The following P2RY8 variants were observed in gnomAD, a reference collection of about 807,000 sequenced individuals.
P2RY8 encodes the protein S-geranylgeranyl-glutathione receptor P2RY8.
Under a neutral mutation model 10.0 loss-of-function variants are expected in P2RY8, and 6 were observed. The observed-to-expected ratio is 0.60, with a 90% CI of 0.33 to 1.19. P2RY8 has a LOEUF of 1.19. Ranked by LOEUF, P2RY8 falls within the 50% of genes most tolerant of loss-of-function variation. The pLI is 0.04. For missense variants in P2RY8, 456 were observed against 542.0 expected (o/e 0.84, Z 1.58); for synonymous variants, 276 against 252.5 (o/e 1.09, Z -0.88).
At chrX:1,524,890 TATCCATCCATCC>T (rs567762716) in intron 1 of P2RY8, among the ~76,000 whole-genome samples, 11 of 110,944 alleles carry the variant, frequency 9.9e-5, no homozygotes, top group African/African-American at 2.5e-4. Flanking sequence ...TCCATCCATC[TATCCATCCATCC>T]ATCCATCCAT....
intron 1 of P2RY8, among the ~76,000 whole-genome samples, chrX:1,511,347 T>C (rs1257453670): frequency 6.6e-6 from 1 of 152,156 alleles, no homozygotes; most frequent in African/African-American, 2.4e-5. Flanking sequence ...AATTCATAGC[T>C]CCTCCTGTAA....
At chrX:1,529,165 C>G (rs1386078328) in intron 1 of P2RY8, among the ~76,000 whole-genome samples, 5 of 151,664 alleles carry the variant, frequency 3.3e-5, no homozygotes, top group Non-Finnish European at 7.4e-5. Context: ...GAGACCTGAC[C>G]TGCACAGGGA....
chrX:1,503,000 A>C (rs1282032954), intron 1 of P2RY8, among the ~76,000 whole-genome samples: 11 of 152,158 alleles, frequency 7.2e-5, no homozygotes, highest in African/African-American at 2.7e-4. Flanking sequence ...TTTGGAAATA[A>C]GAACTTTGCA....
chrX:1,510,471 T>C (rs2092290931), intron 1 of P2RY8, among the ~76,000 whole-genome samples: 1 of 152,154 alleles, frequency 6.6e-6, no homozygotes, highest in Non-Finnish European at 1.5e-5. Context: ...ACTACAACTT[T>C]GATCGCACAA....
intron 1 of P2RY8, among the ~76,000 whole-genome samples, chrX:1,515,160 C>G (rs1421833142): frequency 1.3e-5 from 2 of 150,726 alleles, no homozygotes; most frequent in Non-Finnish European, 3.0e-5. Flanking sequence ...ATCCACCCAC[C>G]TCGGCCTCCC....
At chrX:1,531,871 C>G (rs183137810) in intron 1 of P2RY8, among the ~76,000 whole-genome samples, 33 of 152,284 alleles carry the variant, frequency 2.2e-4, no homozygotes, top group Non-Finnish European at 4.7e-4. Flanking sequence ...TCACCTCACT[C>G]CTGCAAGAAT....
At chrX:1,527,205 T>C (rs1325522937) in intron 1 of P2RY8, among the ~76,000 whole-genome samples, 6 of 152,164 alleles carry the variant, frequency 3.9e-5, no homozygotes, top group Admixed American at 1.3e-4. Context: ...TATTCATTCA[T>C]TTCTTATCCA....
chrX:1,467,779 C>T (rs1158085426), intron 1 of P2RY8, among the ~76,000 whole-genome samples: 2 of 152,192 alleles, frequency 1.3e-5, no homozygotes, highest in Admixed American at 1.3e-4. Context: ...TGGCCTCAAG[C>T]AATCCTCCTG....
At chrX:1,507,872 C>T (rs2092249553) in intron 1 of P2RY8, among the ~76,000 whole-genome samples, 1 of 152,136 alleles carries the variant, frequency 6.6e-6, no homozygotes, top group African/African-American at 2.4e-5. Flanking sequence ...CGGCTGATAA[C>T]ATGTAAAGGC....
chrX:1,526,042 TCATC>T (rs2092437659), intron 1 of P2RY8, among the ~76,000 whole-genome samples: 1 of 151,796 alleles, frequency 6.6e-6, no homozygotes, highest in African/African-American at 2.4e-5. Flanking sequence ...ATCCAGCCGC[TCATC>T]CATCCATCTA....
At chrX:1,527,420 A>G (rs1354584946) in intron 1 of P2RY8, among the ~76,000 whole-genome samples, 8 of 151,864 alleles carry the variant, frequency 5.3e-5, no homozygotes, top group Admixed American at 3.9e-4. Context: ...TCATTCATTT[A>G]TCTATTCATT....
At chrX:1,497,071 T>G (rs2092123994) in intron 1 of P2RY8, among the ~76,000 whole-genome samples, 1 of 149,348 alleles carries the variant, frequency 6.7e-6, no homozygotes, top group African/African-American at 2.5e-5. Flanking sequence ...ATACAAAAAT[T>G]AGCCAGGCGT....
intron 1 of P2RY8, among the ~76,000 whole-genome samples, chrX:1,492,595 C>G (rs1469298129): frequency 3.9e-5 from 6 of 152,138 alleles, no homozygotes; most frequent in Non-Finnish European, 7.4e-5. Flanking sequence ...TGGATCCAGC[C>G]ATGCCTGAAG....
intron 1 of P2RY8, among the ~76,000 whole-genome samples, chrX:1,491,338 G>A (rs1219110847): frequency 7.9e-5 from 12 of 152,324 alleles, no homozygotes; most frequent in Non-Finnish European, 1.6e-4. Flanking sequence ...ATGACATCCG[G>A]GGATTCCCCA....
rs774919919 is a variant in P2RY8 at position 1,467,407 on chromosome X, C to T, written c.-24-825G>A. ...GGAGAAGTTTTCTGACCCGCCGGTCCGTGCCCAGGTGTGAAACCTACAGTT... is the reference window on the plus strand; with the variant it reads ...GGAGAAGTTTTCTGACCCGCCGGTCTGTGCCCAGGTGTGAAACCTACAGTT... On this transcript the variant is annotated intron_variant, in intron 1 of 1. Transcript: ENST00000381297. Among the ~76,000 whole-genome samples the T allele has an allele frequency of 7.2e-5, 11 of 152,262 alleles. No homozygotes were observed. In the South Asian group the frequency reaches 1.2e-3, roughly 17 times the overall value.
At chrX:1,511,889 C>T (rs1356717073) in intron 1 of P2RY8, among the ~76,000 whole-genome samples, 1 of 152,144 alleles carries the variant, frequency 6.6e-6, no homozygotes, top group Admixed American at 6.5e-5. Context: ...CTCGTCTGTC[C>T]CACATCACTC....
chrX:1,520,679 T>C (rs1309762178), intron 1 of P2RY8, among the ~76,000 whole-genome samples: 4 of 152,004 alleles, frequency 2.6e-5, no homozygotes, highest in Non-Finnish European at 1.5e-5. Context: ...GTCATCTCTT[T>C]GTTCTCTAAT....
chrX:1,465,854 C>T lies in P2RY8; in HGVS notation c.705G>A (p.Ala235=). 1.9e-6 allele frequency: 3 copies of T among 1,612,544 alleles called. No homozygotes were observed. Among genetic ancestry groups the T allele is most frequent in the East Asian group, 2.2e-5 (1 of 44,868 alleles). ...GCAAGACCACCGCGGCCAGGCCCAC[C>T]GCGCGCCTCCGCTGCTCCCGGCCGT... is the stretch of plus-strand genomic sequence containing the variant. ...EAHGREQRRR[A]VGLAAVVLLA... The change falls in exon 2 of 2, where the codon GCG becomes GCA. Residue 235 remains alanine, a synonymous_variant. Transcript: ENST00000381297.
At chrX:1,483,387 C>T (rs28679465) in intron 1 of P2RY8, among the ~76,000 whole-genome samples, 1 of 151,998 alleles carries the variant, frequency 6.6e-6, no homozygotes, top group East Asian at 1.9e-4. Flanking sequence ...GTAATCCCAG[C>T]ACTTTGGGAG....
Sources: gnomAD v4.1 joint callset for allele counts (sites outside exome capture counted in the v4.1 genomes callset) on GRCh38, gnomAD v4.1.1 for gene constraint, MANE v1.5 for transcripts, NCBI Gene and HGNC (gene_info 2026-07-23, HGNC 2026-07-21) for gene names.